COL13A1: variants seen among roughly 807,000 people sequenced by gnomAD.
The protein encoded by COL13A1 is collagen alpha-1(XIII) chain.
A neutral mutation model predicts 130.9 loss-of-function variants in COL13A1; 89 were observed. That is an observed-to-expected ratio of 0.68 (90% CI 0.57 to 0.81). The LOEUF is 0.81. Ranked by LOEUF, COL13A1 falls within the 30% of genes least tolerant of loss-of-function variation. The pLI is 0.00. For synonymous variants in COL13A1, 402 were observed against 341.6 expected, an observed-to-expected ratio of 1.18 and a Z score of -1.95; for missense variants, 879 against 934.6, an observed-to-expected ratio of 0.94 and a Z score of 0.78.
intron 1 of COL13A1, among the ~76,000 whole-genome samples, chr10:69,806,446 G>A (rs1464539291): frequency 1.3e-5 from 2 of 152,218 alleles, no homozygotes; most frequent in Non-Finnish European, 2.9e-5. Context: ...AGCCCATGAC[G>A]GGGGTTGTGC....
intron 1 of COL13A1, among the ~76,000 whole-genome samples, chr10:69,812,863 G>GT (rs1215522689): frequency 6.6e-6 from 1 of 152,084 alleles, no homozygotes; most frequent in African/African-American, 2.4e-5. Flanking sequence ...CCCTCACCTG[G>GT]TGAGTTACTG....
intron 2 of COL13A1, among the ~76,000 whole-genome samples, chr10:69,860,376 C>T (rs929457718): frequency 8.5e-5 from 13 of 152,336 alleles, no homozygotes; most frequent in African/African-American, 2.9e-4. Context: ...GGAGACACAG[C>T]TCCAGTGTGC....
At chr10:69,863,647 C>CTTTAG (rs936613889) in intron 2 of COL13A1, among the ~76,000 whole-genome samples, 3 of 152,154 alleles carry the variant, frequency 2.0e-5, no homozygotes, top group African/African-American at 7.2e-5. Context: ...TACCTGACCA[C>CTTTAG]TTTAGAAGGG....
chr10:69,841,277 A>C (rs1589376692), intron 2 of COL13A1, among the ~76,000 whole-genome samples: 4 of 148,718 alleles, frequency 2.7e-5, no homozygotes, highest in African/African-American at 5.0e-5. Context: ...CCCTGCCCCC[A>C]CCTCCCCAAT....
At chr10:69,934,743 A>G (rs1485487617) in intron 31 of COL13A1, among the ~76,000 whole-genome samples, 1 of 152,234 alleles carries the variant, frequency 6.6e-6, no homozygotes, top group Non-Finnish European at 1.5e-5. Context: ...ATCTGCTCTC[A>G]AGGGAAACAG....
intron 1 of COL13A1, among the ~76,000 whole-genome samples, chr10:69,814,826 C>A (rs897813158): frequency 6.6e-6 from 1 of 152,176 alleles, no homozygotes; most frequent in Non-Finnish European, 1.5e-5. Flanking sequence ...AAAAGAAAGT[C>A]CCACTCCAGC....
rs115049266 is a variant in COL13A1 at position 69,866,591 on chromosome 10, G to A, written c.365-1207G>A. On this transcript the variant is annotated intron_variant, in intron 2 of 40. Coordinates refer to ENST00000645393, the MANE Select transcript of COL13A1 (RefSeq NM_001368882.1). The stretch of plus-strand genomic sequence containing the variant: ...CTCCCCCTGCTCTGTGCTCCCTCCC[G>A]CTTGTTCTGGGCCCTGCATGCAAGG... Among the ~76,000 whole-genome samples, 736 of 152,154 alleles carry A rather than the reference G, an allele frequency of 4.8e-3. 6 individuals carry two copies. The highest frequency in any genetic ancestry group is 0.016 in the African/African-American group (663 of 41,498).
At chr10:69,947,415 A>T in intron 38 of COL13A1, 73 bp downstream of exon 38, 1 of 1,380,770 alleles carries the variant, frequency 7.2e-7, no homozygotes, top group Non-Finnish European at 1.0e-6. Flanking sequence ...TCGATCGGTG[A>T]TTCCTGACCA....
At chr10:69,935,743 G>A (rs2066746019) in intron 32 of COL13A1, among the ~76,000 whole-genome samples, 2 of 152,210 alleles carry the variant, frequency 1.3e-5, no homozygotes, top group South Asian at 2.1e-4. Flanking sequence ...AGTGGCTCAC[G>A]CCCGTGATAC....
intron 2 of COL13A1, among the ~76,000 whole-genome samples, chr10:69,861,638 CCT>C (rs1239994058): frequency 6.6e-6 from 1 of 152,196 alleles, no homozygotes; most frequent in Admixed American, 6.5e-5. Context: ...ACTTGCTTCC[CCT>C]GAGTCTCACC....
intron 20 of COL13A1, among the ~76,000 whole-genome samples, chr10:69,919,309 T>C (rs2064327524): frequency 6.6e-6 from 1 of 152,190 alleles, no homozygotes; most frequent in African/African-American, 2.4e-5. Context: ...GCAGTGACTA[T>C]TGTCCCCTGC....
At chr10:69,814,161 C>G (rs950587016) in intron 1 of COL13A1, among the ~76,000 whole-genome samples, 5 of 152,210 alleles carry the variant, frequency 3.3e-5, no homozygotes, top group Non-Finnish European at 7.3e-5. Flanking sequence ...GCATTGTGAT[C>G]AGAGTGCTGG....
At chr10:69,950,265 G>T (rs951911752) in intron 38 of COL13A1, among the ~76,000 whole-genome samples, 2 of 152,042 alleles carry the variant, frequency 1.3e-5, no homozygotes, top group African/African-American at 4.8e-5. Context: ...ACCAGCTAGG[G>T]TTCCCTCTGT....
intron 14 of COL13A1, among the ~76,000 whole-genome samples, chr10:69,902,266 A>T (rs1300538064): frequency 6.6e-6 from 1 of 152,250 alleles, no homozygotes; most frequent in African/African-American, 2.4e-5. Flanking sequence ...TCTGGGTCAG[A>T]TAAAGACAGC....
intron 17 of COL13A1, among the ~76,000 whole-genome samples, chr10:69,907,670 C>G (rs1188438718): frequency 2.0e-5 from 3 of 152,130 alleles, no homozygotes; most frequent in Admixed American, 6.5e-5. Context: ...TAACCCACCC[C>G]CACAATAACT....
chr10:69,864,729 T>G (rs916988161), intron 2 of COL13A1, among the ~76,000 whole-genome samples: 2 of 152,180 alleles, frequency 1.3e-5, no homozygotes, highest in Admixed American at 1.3e-4. Context: ...TGTGTCCATT[T>G]TGGGGAAGCA....
intron 6 of COL13A1, among the ~76,000 whole-genome samples, chr10:69,880,118 G>A (rs796576144): frequency 1.1e-4 from 17 of 152,014 alleles, no homozygotes; most frequent in African/African-American, 4.1e-4. Context: ...CTCTCTCCCT[G>A]TGTCTCCCTG....
chr10:69,833,017 C>T (rs890787217), intron 2 of COL13A1, among the ~76,000 whole-genome samples: 5 of 152,170 alleles, frequency 3.3e-5, no homozygotes, highest in East Asian at 1.9e-4. Context: ...GCAAGTGCCT[C>T]GAAGGTAGAC....
chr10:69,882,489 T>C (rs558794197), intron 7 of COL13A1, among the ~76,000 whole-genome samples: 1 of 152,368 alleles, frequency 6.6e-6, no homozygotes, highest in East Asian at 1.9e-4. Context: ...CAATGACAGC[T>C]TCTGTTTCCC....
Sources: gnomAD v4.1 joint callset for allele counts (sites outside exome capture counted in the v4.1 genomes callset) on GRCh38, gnomAD v4.1.1 for gene constraint, MANE v1.5 for transcripts, NCBI Gene and HGNC (gene_info 2026-07-23, HGNC 2026-07-21) for gene names.